Variants in WDPCP observed in about 807,000 individuals in gnomAD.
WDPCP encodes WD repeat containing planar cell polarity effector.
A neutral mutation model predicts 93.1 loss-of-function variants in WDPCP; 71 were observed. That is an observed-to-expected ratio of 0.76 (90% CI 0.63 to 0.93). The LOEUF is 0.93. Ranked by LOEUF, WDPCP falls within the 40% of genes least tolerant of loss-of-function variation. The pLI is 0.00. For missense variants in WDPCP, 844 were observed against 887.4 expected (o/e 0.95, Z 0.62); for synonymous variants, 315 against 315.0 (o/e 1.00, Z 0.00).
At chr2:63,588,944 A>G, upstream of WDPCP, 2 of 1,566,216 alleles carry the variant, frequency 1.3e-6, no homozygotes, top group Non-Finnish European at 1.8e-6. Context: ...TTTTCTCGCT[A>G]ACACCGCTCG....
intron 6 of WDPCP, among the ~76,000 whole-genome samples, chr2:63,461,417 C>T (rs754686053): frequency 6.6e-6 from 1 of 152,162 alleles, no homozygotes; most frequent in Admixed American, 6.5e-5. Context: ...TCCCCCTTTG[C>T]CTTCCACCAT....
intron 2 of WDPCP, among the ~76,000 whole-genome samples, chr2:63,673,661 C>CA (rs1303219141): frequency 6.6e-6 from 1 of 152,146 alleles, no homozygotes; most frequent in African/African-American, 2.4e-5. Context: ...AACAGCATAT[C>CA]AAAAACCCAT....
intron 14 of WDPCP, among the ~76,000 whole-genome samples, chr2:63,228,023 CA>C (rs1166193065): frequency 6.6e-6 from 1 of 151,964 alleles, no homozygotes; most frequent in Non-Finnish European, 1.5e-5. Context: ...ATTTAATAGT[CA>C]AAATCAGTTG....
At chr2:63,172,938 A>G (rs1227570074) in intron 15 of WDPCP, among the ~76,000 whole-genome samples, 1 of 151,984 alleles carries the variant, frequency 6.6e-6, no homozygotes, top group African/African-American at 2.4e-5. Flanking sequence ...ACAAGAGAAA[A>G]CCAAAAAATG....
chr2:63,427,674 T>C (rs1277738044), intron 9 of WDPCP, among the ~76,000 whole-genome samples: 11 of 152,006 alleles, frequency 7.2e-5, no homozygotes, highest in Non-Finnish European at 1.5e-4. Flanking sequence ...CTAGAGGAAC[T>C]AGTAAAAAAA....
At chr2:63,370,792 T>C (rs1176150712) in intron 12 of WDPCP, among the ~76,000 whole-genome samples, 2 of 152,162 alleles carry the variant, frequency 1.3e-5, no homozygotes, top group Non-Finnish European at 2.9e-5. Flanking sequence ...TTGTCATAAA[T>C]TGTTCATTGT....
intron 17 of WDPCP, among the ~76,000 whole-genome samples, chr2:63,137,362 A>G (rs1001583910): frequency 2.6e-5 from 4 of 152,070 alleles, no homozygotes; most frequent in Non-Finnish European, 5.9e-5. Flanking sequence ...TGTATGTATG[A>G]TTCTCTTGAA....
At chr2:63,240,913 G>T (rs1218953980) in intron 14 of WDPCP, among the ~76,000 whole-genome samples, 1 of 152,058 alleles carries the variant, frequency 6.6e-6, no homozygotes, top group Non-Finnish European at 1.5e-5. Flanking sequence ...CTGAAGAGTT[G>T]ACAACTTGTT....
intron 9 of WDPCP, among the ~76,000 whole-genome samples, chr2:63,405,669 A>C (rs1238958207): frequency 2.0e-5 from 3 of 151,664 alleles, no homozygotes; most frequent in African/African-American, 7.3e-5. Context: ...GTGGAGTAAA[A>C]TTTTAAAAGC....
intron 12 of WDPCP, chr2:63,378,145 T>C: frequency 5.9e-6 from 3 of 504,890 alleles, no homozygotes; most frequent in Non-Finnish European, 1.1e-5. Context: ...ATAGCTTTCA[T>C]ATTAAAGAGG....
In WDPCP at chr2:63,404,252, T is replaced by C. The variant is rs761984635; in HGVS notation, c.1231A>G (p.Ile411Val). The change falls in exon 10 of 18, where the codon ATT becomes GTT. Residue 411 changes from isoleucine (I) to valine (V), a missense_variant. Physicochemically the swap from Ile to Val is conservative, Grantham distance 29. Transcript: ENST00000272321. ...TCTTCAGCCAACAGTTGGATGTTAA[T>C]AGGGGATAGAGCCATATCAAAAATT... ...LQIFDMALSPINIQLLAEDRL... is the reference protein window; with the variant it reads ...LQIFDMALSPVNIQLLAEDRL... 4.3e-6 allele frequency: 7 copies of C among 1,613,632 alleles called. No individual in the cohort carries two copies. The Admixed American group carries it at 6.7e-5, about 15-fold the overall frequency.
chr2:63,138,193 A>G (rs1279722754), intron 17 of WDPCP, among the ~76,000 whole-genome samples: 1 of 151,232 alleles, frequency 6.6e-6, no homozygotes, highest in Non-Finnish European at 1.5e-5. Context: ...TTATGATTAA[A>G]TTTTTGTACT....
chr2:63,626,131 C>T (rs1437794345), intron 3 of WDPCP, among the ~76,000 whole-genome samples: 1 of 152,094 alleles, frequency 6.6e-6, no homozygotes, highest in African/African-American at 2.4e-5. Flanking sequence ...AACTGGCTAG[C>T]CATATGCAGA....
At chr2:63,402,003 G>A (rs550525354) in intron 10 of WDPCP, among the ~76,000 whole-genome samples, 2 of 152,082 alleles carry the variant, frequency 1.3e-5, no homozygotes, top group South Asian at 2.1e-4. Flanking sequence ...AAATCATTCT[G>A]CTATAAAGAC....
intron 10 of WDPCP, among the ~76,000 whole-genome samples, chr2:63,386,161 T>A (rs929130103): frequency 6.6e-6 from 1 of 152,052 alleles, no homozygotes; most frequent in Non-Finnish European, 1.5e-5. Context: ...AGAGTTTTCT[T>A]AGGACGTGAA....
chr2:63,292,294 G>A (rs1684506014), intron 13 of WDPCP, among the ~76,000 whole-genome samples: 1 of 151,914 alleles, frequency 6.6e-6, no homozygotes, highest in Non-Finnish European at 1.5e-5. Context: ...GAATTATCAG[G>A]TTGAGGGTCA....
At chr2:63,633,450 A>C (rs1451866978) in intron 3 of WDPCP, among the ~76,000 whole-genome samples, 1 of 152,222 alleles carries the variant, frequency 6.6e-6, no homozygotes, top group Non-Finnish European at 1.5e-5. Context: ...GACATCAAAA[A>C]TATAAAATGG....
chr2:63,347,680 G>GT (rs1456524464), intron 12 of WDPCP, among the ~76,000 whole-genome samples: 5 of 152,018 alleles, frequency 3.3e-5, no homozygotes, highest in Non-Finnish European at 5.9e-5. Flanking sequence ...GGCTGTTTTT[G>GT]TGGGGGGGTC....
chr2:63,333,657 C>T (rs1317353338), intron 12 of WDPCP, among the ~76,000 whole-genome samples: 1 of 152,106 alleles, frequency 6.6e-6, no homozygotes, highest in African/African-American at 2.4e-5. Context: ...GCCCGGAAGC[C>T]CCTGCTTTGA....
Sources: allele counts gnomAD v4.1 joint callset (sites outside exome capture counted in the v4.1 genomes callset), GRCh38; gene constraint gnomAD v4.1.1; transcripts MANE v1.5; gene names NCBI Gene and HGNC (gene_info 2026-07-23, HGNC 2026-07-21).